NOC2L: variants seen among roughly 807,000 people sequenced by gnomAD.
NOC2L encodes NOC2 like nucleolar associated transcriptional repressor.
In NOC2L, 101 loss-of-function variants were observed where a neutral mutation model predicts 94.2. The observed-to-expected ratio is 1.07, with a 90% CI of 0.91 to 1.26. The LOEUF (loss-of-function observed/expected upper bound fraction) is 1.26. Ranked by LOEUF, NOC2L falls within the 50% of genes most tolerant of loss-of-function variation. The pLI is 0.00. For synonymous variants in NOC2L, 531 were observed against 413.4 expected (o/e 1.28, Z -3.45); for missense variants, 1,076 against 980.1 (o/e 1.10, Z -1.31).
At position 952,662 on chromosome 1, in the gene NOC2L, C is replaced by T. The variant is rs1023995435; in HGVS notation, c.1003-62G>A. On this transcript the variant is annotated intron_variant, in intron 9 of 18. Transcript: ENST00000327044. ...GGGCCATGCACCTCCACCGCCCACT[C>T]CAGGGCCCCTGTGAACACCTGGGCC... 53 of 1,533,058 alleles carry T rather than the reference C, an allele frequency of 3.5e-5. No individual in the cohort carries two copies. The Admixed American group carries it at 8.7e-4, about 25-fold the overall frequency. The allele number at this position is 1,533,058 out of a possible 1,614,324, so 95.0% of individuals were successfully genotyped here. A position where few individuals can be genotyped will look rare whatever the true frequency, so the allele number is the denominator to read the frequency against.
chr1:944,997 C>G (rs1244757003), intron 18 of NOC2L, 60 bp downstream of exon 18: 1 of 1,611,634 alleles, frequency 6.2e-7, no homozygotes, highest in Non-Finnish European at 8.5e-7. Context: ...GCCCACGTGG[C>G]TCTGCCCTCC....
chr1:956,183 C>T lies in NOC2L; in HGVS notation c.519G>A (p.Val173=). The change falls in exon 5 of 19, where the codon GTG becomes GTA. Residue 173 remains valine, a synonymous_variant. Transcript: ENST00000327044. ...CCACAGCTGCTCGGAACGCCTGTAC[C>T]ACTTCATGGAACAGCTTTGGAGTGA... ...QRLTPKLFHE[V]VQAFRAAVAT... 1 of 1,613,890 alleles carries T rather than the reference C, an allele frequency of 6.2e-7. No homozygotes were observed. Among genetic ancestry groups the T allele is most frequent in the Non-Finnish European group, 8.5e-7 (1 of 1,180,012 alleles).
chr1:944,278 A>T lies in NOC2L; in HGVS notation c.*416T>A. 1 of 1,436,840 alleles carries T rather than the reference A, an allele frequency of 7.0e-7. No homozygotes were observed. The highest frequency in any genetic ancestry group is 9.1e-7 in the Non-Finnish European group (1 of 1,097,498). 89.0% of individuals were successfully genotyped at this position (1,436,840 alleles called of 1,614,324 possible). On this transcript the variant is annotated 3_prime_UTR_variant, in exon 19 of 19. Coordinates refer to ENST00000327044, the MANE Select transcript of NOC2L (RefSeq NM_015658.4). ...GCAAAACAAAAAATTTTAAAAGAAAATGTGACTTCAAAGGAAAGGAACAAA... is the reference window on the plus strand; with the variant it reads ...GCAAAACAAAAAATTTTAAAAGAAATTGTGACTTCAAAGGAAAGGAACAAA...
chr1:953,039 C>A, intron 9 of NOC2L, 136 bp downstream of exon 9: 1 of 650,876 alleles, frequency 1.5e-6, no homozygotes, highest in African/African-American at 1.8e-5. Context: ...CATTCGTGAT[C>A]CAAGGGCCCA....
chr1:947,809 G>T (rs930503376), intron 14 of NOC2L, among the ~76,000 whole-genome samples: 1 of 152,240 alleles, frequency 6.6e-6, no homozygotes, highest in Non-Finnish European at 1.5e-5. Flanking sequence ...TGTGCGATCA[G>T]CGTACCAGCC....
At chr1:948,059 C>G in intron 14 of NOC2L, 72 bp downstream of exon 14, 1 of 1,264,672 alleles carries the variant, frequency 7.9e-7, no homozygotes, top group Non-Finnish European at 1.1e-6. Context: ...CACCTCCTAC[C>G]AGCCTGGGGC....
Position 951,152 on chromosome 1 carries a change from A to G in NOC2L, c.1418T>C (p.Ile473Thr), listed in dbSNP as rs780052414. ...CTCCAGGATGAAAGGCAGCACCGGG[A>G]TGAAGGCCCCCGAGCTCCCCGAGAG... ...TLLSGSSGAF[I>T]PVLPFILEMF... is the part of the protein sequence containing the mutation. The change falls in exon 12 of 19, where the codon ATC (isoleucine) becomes ACC (threonine). Residue 473 changes from isoleucine to threonine, a missense_variant. Ile to Thr is a moderately conservative substitution (Grantham distance 89). This residue lies in a region of NOC2L where 615 missense variants were observed against 577.4 expected (regional missense o/e 1.07). Coordinates refer to ENST00000327044, the MANE Select transcript of NOC2L (RefSeq NM_015658.4). 5 of 1,590,308 alleles carry G rather than the reference A, an allele frequency of 3.1e-6. No homozygotes were observed. The highest frequency in any genetic ancestry group is 4.3e-6 in the Non-Finnish European group (5 of 1,168,398).
intron 4 of NOC2L, among the ~76,000 whole-genome samples, chr1:956,507 G>GA (rs1235404962): frequency 2.0e-5 from 3 of 152,030 alleles, no homozygotes; most frequent in African/African-American, 4.8e-5. Flanking sequence ...CTTGTCCCTG[G>GA]AAAAAAACAC....
chr1:950,357 A>G (rs1642222634), intron 12 of NOC2L, among the ~76,000 whole-genome samples: 1 of 151,854 alleles, frequency 6.6e-6, no homozygotes, highest in Admixed American at 6.6e-5. Context: ...GCAAAGGTTC[A>G]TGCATGCACA....
At position 944,263 on chromosome 1, in the gene NOC2L, A is replaced by G. The variant is rs1200297054; in HGVS notation, c.*431T>C. The G allele has an allele frequency of 2.1e-6, 3 of 1,453,882 alleles. No individual in the cohort carries two copies. The highest frequency in any genetic ancestry group is 2.7e-6 in the Non-Finnish European group (3 of 1,105,278). 90.1% of individuals were successfully genotyped at this position (1,453,882 alleles called of 1,614,324 possible). On this transcript the variant is annotated 3_prime_UTR_variant, in exon 19 of 19. Coordinates refer to ENST00000327044, the MANE Select transcript of NOC2L (RefSeq NM_015658.4). Reference sequence around the variant, plus strand: ...CTTTCGGTTTCGGATGCAAAACAAAAAATTTTAAAAGAAAATGTGACTTCA... The same window carrying G: ...CTTTCGGTTTCGGATGCAAAACAAAGAATTTTAAAAGAAAATGTGACTTCA...
At position 944,241 on chromosome 1, in the gene NOC2L, T is replaced by G; in HGVS notation, c.*453A>C. On this transcript the variant is annotated 3_prime_UTR_variant, in exon 19 of 19. Coordinates refer to ENST00000327044, the MANE Select transcript of NOC2L (RefSeq NM_015658.4). ...CCTGCCTCCCACCGCTTTATTTCTTTCGGTTTCGGATGCAAAACAAAAAAT... is the reference window on the plus strand; with the variant it reads ...CCTGCCTCCCACCGCTTTATTTCTTGCGGTTTCGGATGCAAAACAAAAAAT... 2.1e-6 allele frequency: 3 copies of G among 1,451,930 alleles called. No individual in the cohort carries two copies. Among genetic ancestry groups the G allele is most frequent in the Non-Finnish European group, 2.7e-6 (3 of 1,102,976 alleles). The allele number at this position is 1,451,930 out of a possible 1,614,324, so 89.9% of individuals were successfully genotyped here. A position where few individuals can be genotyped will look rare whatever the true frequency, so the allele number is the denominator to read the frequency against.
At chr1:953,675 G>A in intron 8 of NOC2L, 107 bp downstream of exon 8, 1 of 825,554 alleles carries the variant, frequency 1.2e-6, no homozygotes, top group East Asian at 2.6e-5. Flanking sequence ...CGGAGCCAGT[G>A]GAGTGTGGGC....
rs200380211 is a variant in NOC2L at position 952,494 on chromosome 1, G to A, written c.1109C>T (p.Pro370Leu). ...WTLTELLALE[P>L]GVAYQHAFLY... ...GAAGGCGTGCTGGTAGGCCACACCC[G>A]GCTCCAGGGCCAGCAGCTCCGTCAA... Residue 370 changes from proline to leucine, a missense_variant, in exon 10 of 19, where the codon CCG becomes CTG. By Grantham distance (98) the Pro-to-Leu change is moderately conservative. Around this residue, in one of 3 missense-constraint regions of NOC2L, gnomAD observed 615 missense variants for 577.4 expected, o/e 1.07. Coordinates refer to ENST00000327044, the MANE Select transcript of NOC2L (RefSeq NM_015658.4). 1.3e-4 allele frequency: 216 copies of A among 1,613,818 alleles called. 1 individual carries two copies. In the African/African-American group the frequency reaches 1.5e-3, roughly 11 times the overall value.
chr1:946,551 G>A lies in NOC2L; in HGVS notation c.1660-6C>T. 1.9e-6 allele frequency: 3 copies of A among 1,610,382 alleles called. No homozygotes were observed. The highest frequency in any genetic ancestry group is 1.1e-5 in the South Asian group (1 of 90,930). ...TCCCGGAGGAACGACTTCAGCTGCGGAAGGGAGGGGTCAGCCACTGAAGCC... is the reference window on the plus strand; with the variant it reads ...TCCCGGAGGAACGACTTCAGCTGCGAAAGGGAGGGGTCAGCCACTGAAGCC... On this transcript the variant is annotated splice_polypyrimidine_tract_variant and splice_region_variant and intron_variant, in intron 14 of 18. Transcript: ENST00000327044.
intron 15 of NOC2L, 51 bp downstream of exon 15, chr1:946,351 C>T (rs372678423): frequency 8.4e-5 from 136 of 1,612,730 alleles, no homozygotes; most frequent in African/African-American, 1.9e-4. Flanking sequence ...GTAGCTGGGG[C>T]TATACCCTGG....
chr1:951,929 C>A (rs1642270537), intron 11 of NOC2L, 71 bp downstream of exon 11: 1 of 1,535,508 alleles, frequency 6.5e-7, no homozygotes, highest in Non-Finnish European at 8.8e-7. Flanking sequence ...GCCAGAGGCA[C>A]CGCCCACACA....
At position 958,973 on chromosome 1, in the gene NOC2L, C is replaced by G. The variant is rs748308604; in HGVS notation, c.135G>C (p.Glu45Asp). ...SPQAETREAR[E>D]AARSPDKPGG... ...CCGGCTTATCCGGACTCCGGGCAGC[C>G]TCGCGTGCTTCCCGTGTCTCCGCTT... Residue 45 changes from glutamate to aspartate, a missense_variant, in exon 2 of 19, where the codon GAG becomes GAC. Transcript: ENST00000327044. 2 of 1,612,790 alleles carry G rather than the reference C, an allele frequency of 1.2e-6. No individual in the cohort carries two copies. Among genetic ancestry groups the G allele is most frequent in the Non-Finnish European group, 1.7e-6 (2 of 1,179,976 alleles).
rs775671055 is a variant in NOC2L at position 946,524 on chromosome 1, A to G, written c.1681T>C (p.Cys561Arg). 30 of 1,612,400 alleles carry G rather than the reference A, an allele frequency of 1.9e-5. No individual in the cohort carries two copies. Among genetic ancestry groups the G allele is most frequent in the Non-Finnish European group, 2.5e-5 (30 of 1,179,616 alleles). Reference sequence around the variant, plus strand: ...TGCCGGCAGTAGTTGGCCACCTTGCACTCCCGGAGGAACGACTTCAGCTGC... The same window carrying G: ...TGCCGGCAGTAGTTGGCCACCTTGCGCTCCCGGAGGAACGACTTCAGCTGC... ...VLQLKSFLRE[C>R]KVANYCRQVQ... Residue 561 changes from cysteine to arginine, a missense_variant, in exon 15 of 19, where the codon TGC (cysteine) becomes CGC (arginine). This residue lies in a region of NOC2L where 615 missense variants were observed against 577.4 expected (regional missense o/e 1.07). Transcript: ENST00000327044.
intron 12 of NOC2L, 68 bp downstream of exon 12, chr1:951,059 C>A: frequency 1.6e-6 from 2 of 1,242,698 alleles, no homozygotes; most frequent in South Asian, 2.6e-5. Flanking sequence ...AGCACAGACG[C>A]CCGGAGCAGC....
Sources: allele counts gnomAD v4.1 joint callset (sites outside exome capture counted in the v4.1 genomes callset), GRCh38; gene constraint gnomAD v4.1.1; regional missense constraint gnomAD v4.1.1; transcripts MANE v1.5; gene names NCBI Gene and HGNC (gene_info 2026-07-23, HGNC 2026-07-21).